Variants in DNM1L observed in about 807,000 individuals in gnomAD.
The protein encoded by DNM1L is dynamin 1L.
A neutral mutation model predicts 92.8 loss-of-function variants in DNM1L; 33 were observed. That is an observed-to-expected ratio of 0.36 (90% CI 0.27 to 0.48). The LOEUF (loss-of-function observed/expected upper bound fraction) is 0.48, where lower values mean the gene tolerates loss of function less well. Among genes scored for constraint, DNM1L ranks in the 20% least tolerant of loss-of-function variants. The pLI, the probability that DNM1L is intolerant of heterozygous loss-of-function variation, is 0.99. For synonymous variants in DNM1L, 284 were observed against 305.0 expected, an observed-to-expected ratio of 0.93 and a Z score of 0.72; for missense variants, 485 against 888.8, an observed-to-expected ratio of 0.55 and a Z score of 5.78.
Position 32,707,369 on chromosome 12 carries a change from G to A in DNM1L, c.253G>A (p.Val85Met). 1 of 1,605,858 alleles carries A rather than the reference G, an allele frequency of 6.2e-7. No individual in the cohort carries two copies. Among genetic ancestry groups the A allele is most frequent in the Non-Finnish European group, 8.5e-7 (1 of 1,176,268 alleles). ...KRKTTGEENG[V>M]EAEEWGKFLH... is the part of the protein sequence containing the mutation. ...AAATGAGTTTTTCTTTTTTCCAGGG[G>A]TGGAAGCAGAAGAATGGGGTAAATT... The change falls in exon 3 of 20, where the codon GTG (valine) becomes ATG (methionine). Residue 85 changes from valine to methionine, a missense_variant and splice_region_variant. Physicochemically the swap from Val to Met is conservative, Grantham distance 21 (BLOSUM62 1). Transcript: ENST00000549701.
chr12:32,712,649 CAAAAAAAAAAAAAAAAA>C (rs59906286), intron 5 of DNM1L, among the ~76,000 whole-genome samples: 1 of 29,780 alleles, frequency 3.4e-5, no homozygotes, highest in Non-Finnish European at 6.3e-5. Context: ...GACCCTGTCT[CAAAAAAAAAAAAAAAAA>C]AAAAAAAAAA....
Position 32,713,223 on chromosome 12 carries a change from T to A in DNM1L, c.471T>A (p.Asp157Glu), listed in dbSNP as rs776124108. ...LPGMTKVPVG[D>E]QPKDIELQIR... Reference sequence around the variant, plus strand: ...GTTTGGTTTAGGTGCCTGTAGGTGATCAACCTAAGGATATTGAGCTTCAAA... The same window carrying A: ...GTTTGGTTTAGGTGCCTGTAGGTGAACAACCTAAGGATATTGAGCTTCAAA... Residue 157 changes from aspartate to glutamate, a missense_variant, in exon 6 of 20, where the codon GAT becomes GAA. By Grantham distance (45) the Asp-to-Glu change is conservative (BLOSUM62 2). Coordinates refer to ENST00000549701, the MANE Select transcript of DNM1L (RefSeq NM_012062.5). 7.4e-6 allele frequency: 12 copies of A among 1,613,852 alleles called. No homozygotes were observed. Among genetic ancestry groups the A allele is most frequent in the Non-Finnish European group, 1.0e-5 (12 of 1,179,952 alleles).
chr12:32,715,180 C>G (rs1486473327), intron 6 of DNM1L, among the ~76,000 whole-genome samples: 2 of 150,860 alleles, frequency 1.3e-5, no homozygotes, highest in Admixed American at 6.6e-5. Context: ...TGCAAACTTG[C>G]AGTCCTGGGC....
chr12:32,698,677 G>A (rs1324165621), intron 1 of DNM1L, among the ~76,000 whole-genome samples: 1 of 150,868 alleles, frequency 6.6e-6, no homozygotes, highest in South Asian at 2.1e-4. Context: ...AAAAAATAGA[G>A]TACAGAATAT....
At chr12:32,720,241 T>C (rs1016194733) in intron 7 of DNM1L, among the ~76,000 whole-genome samples, 9 of 152,320 alleles carry the variant, frequency 5.9e-5, no homozygotes, top group African/African-American at 2.2e-4. Flanking sequence ...TTGTAGATGA[T>C]TGTTCTTCAA....
chr12:32,704,938 GATTTTTAA>G (rs552219047), intron 2 of DNM1L, among the ~76,000 whole-genome samples: 1 of 150,316 alleles, frequency 6.7e-6, no homozygotes, highest in South Asian at 2.1e-4. Context: ...ATATTTTGTA[GATTTTTAA>G]AAATCAGGCA....
intron 6 of DNM1L, among the ~76,000 whole-genome samples, chr12:32,717,357 G>T (rs551300689): frequency 1.8e-4 from 10 of 54,938 alleles, no homozygotes; most frequent in African/African-American, 3.3e-4. Context: ...ATTATATATA[G>T]TATATATAAT....
intron 9 of DNM1L, among the ~76,000 whole-genome samples, chr12:32,724,563 G>A (rs1165147123): frequency 1.7e-4 from 19 of 110,862 alleles, no homozygotes; most frequent in African/African-American, 6.6e-4. Flanking sequence ...GCAACAGAGA[G>A]AGACTCTATC....
At chr12:32,726,681 GT>G in intron 9 of DNM1L, 1 of 679,368 alleles carries the variant, frequency 1.5e-6, no homozygotes, top group Non-Finnish European at 2.6e-6. Flanking sequence ...ATTGGAAACT[GT>G]TTTAGTCACA....
At chr12:32,702,501 A>G (rs11834855) in intron 2 of DNM1L, among the ~76,000 whole-genome samples, 23,391 of 152,090 alleles carry the variant, frequency 0.15, 1,901 homozygotes, top group Middle Eastern at 0.21. Flanking sequence ...TAATTATTAA[A>G]TTACTTTTGC....
chr12:32,743,523 A>T lies in DNM1L; in HGVS notation c.*113A>T. 3.0e-6 allele frequency: 3 copies of T among 995,290 alleles called. No homozygotes were observed. In the South Asian group the frequency reaches 4.1e-5, roughly 14 times the overall value. 61.7% of individuals were successfully genotyped at this position (995,290 alleles called of 1,614,324 possible). ...GTATTGCAATGGTATGAATCTGCTC[A>T]TGTGGAGACTGGCTATAAACTGAAA... On this transcript the variant is annotated 3_prime_UTR_variant, in exon 20 of 20. Coordinates refer to ENST00000549701, the MANE Select transcript of DNM1L (RefSeq NM_012062.5).
At chr12:32,689,192 C>CTATTTTATTT (rs57074019) in intron 1 of DNM1L, among the ~76,000 whole-genome samples, 18 of 151,862 alleles carry the variant, frequency 1.2e-4, no homozygotes, top group African/African-American at 3.4e-4. Flanking sequence ...TGTAGTTTAG[C>CTATTTTATTT]TATTTTATTT....
chr12:32,687,087 T>TG (rs1167770528), intron 1 of DNM1L, among the ~76,000 whole-genome samples: 1 of 151,948 alleles, frequency 6.6e-6, no homozygotes, highest in East Asian at 1.9e-4. Flanking sequence ...GGCCTTGTCT[T>TG]TTTGCTTCCT....
intron 1 of DNM1L, among the ~76,000 whole-genome samples, chr12:32,700,721 G>A (rs1952667306): frequency 6.6e-6 from 1 of 152,052 alleles, no homozygotes; most frequent in Non-Finnish European, 1.5e-5. Flanking sequence ...ACTCTAGCCT[G>A]GGTAATAGAG....
At chr12:32,706,912 G>T in intron 2 of DNM1L, 1 of 267,022 alleles carries the variant, frequency 3.7e-6, no homozygotes, top group Non-Finnish European at 7.4e-6. Flanking sequence ...GTGTACATCT[G>T]TTACATATGT....
chr12:32,679,536 C>T, intron 1 of DNM1L, 71 bp downstream of exon 1: 1 of 1,458,646 alleles, frequency 6.9e-7, no homozygotes, highest in Non-Finnish European at 9.3e-7. Flanking sequence ...GCGGCAGTGC[C>T]CACTCCCGCG....
chr12:32,682,944 T>C (rs937260369), intron 1 of DNM1L, among the ~76,000 whole-genome samples: 2 of 152,176 alleles, frequency 1.3e-5, no homozygotes, highest in Non-Finnish European at 2.9e-5. Flanking sequence ...TTTTAGACCA[T>C]GGTGTAACTT....
chr12:32,711,895 T>C (rs1056285116), intron 5 of DNM1L, among the ~76,000 whole-genome samples: 2 of 151,964 alleles, frequency 1.3e-5, no homozygotes, highest in African/African-American at 4.8e-5. Context: ...AATAAATAAA[T>C]AAATGGCAAC....
At chr12:32,727,523 A>C in intron 9 of DNM1L, 1 of 560,540 alleles carries the variant, frequency 1.8e-6, no homozygotes, top group Non-Finnish European at 3.2e-6. Flanking sequence ...CCTATCTCTG[A>C]AAATGGAAAA....
Sources: allele counts gnomAD v4.1 joint callset (sites outside exome capture counted in the v4.1 genomes callset), GRCh38; gene constraint gnomAD v4.1.1; transcripts MANE v1.5; gene names NCBI Gene and HGNC (gene_info 2026-07-23, HGNC 2026-07-21).